Variants in PLSCR5 observed in about 807,000 individuals in gnomAD.
PLSCR5 encodes phospholipid scramblase family member 5.
In PLSCR5, 44 loss-of-function variants were observed where a neutral mutation model predicts 33.6. The ratio of observed to expected loss-of-function variants is 1.31; its 90% CI spans 1.03 to 1.69. The LOEUF is 1.69. Ranked by LOEUF, PLSCR5 falls within the 40% of genes most tolerant of loss-of-function variation. The probability of loss-of-function intolerance (pLI) is 0.00; values close to 1 mark genes in which losing one functional copy is unlikely to be tolerated. For missense variants in PLSCR5, 375 were observed against 318.7 expected (o/e 1.18, Z -1.34); for synonymous variants, 148 against 112.3 (o/e 1.32, Z -2.01).
downstream of PLSCR5, among the ~76,000 whole-genome samples, chr3:146,584,645 G>A (rs1441467700): frequency 2.6e-5 from 4 of 152,032 alleles, no homozygotes; most frequent in Non-Finnish European, 5.9e-5. Context: ...AAAATGTTAA[G>A]GTGTAAATAA....
At chr3:146,583,601 T>C (rs909545387), downstream of PLSCR5, among the ~76,000 whole-genome samples, 3 of 152,228 alleles carry the variant, frequency 2.0e-5, no homozygotes, top group African/African-American at 7.2e-5. Flanking sequence ...AGATCAATTT[T>C]ACCTTTAATA....
intron 7 of PLSCR5, among the ~76,000 whole-genome samples, chr3:146,579,869 A>C (rs570568253): frequency 6.6e-6 from 1 of 152,318 alleles, no homozygotes; most frequent in East Asian, 1.9e-4. Flanking sequence ...TGACCTCATT[A>C]AGCACATTCT....
At chr3:146,602,970 C>A (rs1193207193) in intron 1 of PLSCR5, among the ~76,000 whole-genome samples, 1 of 152,104 alleles carries the variant, frequency 6.6e-6, no homozygotes, top group East Asian at 1.9e-4. Context: ...CTAGCTGCTT[C>A]TTCTGGGATT....
downstream of PLSCR5, among the ~76,000 whole-genome samples, chr3:146,582,869 C>T (rs540811638): frequency 6.6e-6 from 1 of 152,250 alleles, no homozygotes; most frequent in East Asian, 1.9e-4. Flanking sequence ...CTAAGATTGG[C>T]TTTTTGAGAT....
In PLSCR5 at chr3:146,600,356, T is replaced by A. The variant is rs1168663686; in HGVS notation, c.121A>T (p.Ser41Cys). The A allele has an allele frequency of 6.2e-7, 1 of 1,608,634 alleles. No individual in the cohort carries two copies. Among genetic ancestry groups the A allele is most frequent in the Non-Finnish European group, 8.5e-7 (1 of 1,177,138 alleles). ...SNPGNQAWQL[S>C]LPLPSSFLPT... ...AGGAAACTGCTTGGCAGAGGGAGAC[T>A]CAGCTGCCATGCTTGGTTCCCTGGA... is the stretch of plus-strand genomic sequence containing the variant. Residue 41 changes from serine (S) to cysteine (C), a missense_variant, in exon 2 of 8, where the codon AGT becomes TGT. By Grantham distance (112) the Ser-to-Cys change is moderately radical. Transcript: ENST00000443512.
chr3:146,583,027 C>T (rs775250666), downstream of PLSCR5, among the ~76,000 whole-genome samples: 35 of 151,986 alleles, frequency 2.3e-4, no homozygotes, highest in Non-Finnish European at 4.1e-4. Flanking sequence ...CAGCAGCACC[C>T]ATTCCCTAGC....
chr3:146,595,445 C>T (rs566015406), intron 2 of PLSCR5, among the ~76,000 whole-genome samples: 44 of 152,170 alleles, frequency 2.9e-4, no homozygotes, highest in African/African-American at 1.0e-3. Context: ...TGGCAAACCC[C>T]TGTCTTTACA....
intron 1 of PLSCR5, among the ~76,000 whole-genome samples, chr3:146,604,537 T>C (rs1178343817): frequency 6.6e-6 from 1 of 152,084 alleles, no homozygotes; most frequent in East Asian, 1.9e-4. Flanking sequence ...TTCTAGCCCA[T>C]CACATTTAAG....
intron 7 of PLSCR5, among the ~76,000 whole-genome samples, chr3:146,579,172 A>C (rs1004561272): frequency 6.6e-6 from 1 of 152,120 alleles, no homozygotes; most frequent in African/African-American, 2.4e-5. Flanking sequence ...ATTTACACTT[A>C]TTTAGAGAAA....
intron 2 of PLSCR5, among the ~76,000 whole-genome samples, chr3:146,598,890 G>A (rs2044785893): frequency 6.6e-6 from 1 of 152,192 alleles, no homozygotes; most frequent in African/African-American, 2.4e-5. Flanking sequence ...GAAGACATCT[G>A]CAATTATAAA....
At chr3:146,587,283 C>G (rs796163724) in intron 6 of PLSCR5, among the ~76,000 whole-genome samples, 7 of 152,170 alleles carry the variant, frequency 4.6e-5, no homozygotes, top group African/African-American at 1.4e-4. Flanking sequence ...ATCAATCTCT[C>G]AAAGCATATG....
chr3:146,597,106 G>A (rs1038486100), intron 2 of PLSCR5, among the ~76,000 whole-genome samples: 2 of 152,076 alleles, frequency 1.3e-5, no homozygotes, highest in Non-Finnish European at 2.9e-5. Flanking sequence ...GGGAGTTTAG[G>A]TACTTTGAAT....
chr3:146,597,359 T>C (rs973755689), intron 2 of PLSCR5, among the ~76,000 whole-genome samples: 3 of 152,162 alleles, frequency 2.0e-5, no homozygotes, highest in African/African-American at 7.2e-5. Flanking sequence ...AGAGATTAAG[T>C]AATTTGCCCA....
At chr3:146,591,968 A>T (rs1463893303) in intron 4 of PLSCR5, 87 bp from the exon 5 acceptor site, 12 of 1,106,714 alleles carry the variant, frequency 1.1e-5, no homozygotes, top group Non-Finnish European at 1.4e-5. Context: ...TGTAAACAAT[A>T]TACTGTTATA....
At chr3:146,593,433 T>C (rs1267855033) in intron 4 of PLSCR5, among the ~76,000 whole-genome samples, 1 of 152,174 alleles carries the variant, frequency 6.6e-6, no homozygotes, top group Non-Finnish European at 1.5e-5. Context: ...TTATTCCCTG[T>C]AGAACAATAA....
intron 1 of PLSCR5, among the ~76,000 whole-genome samples, chr3:146,601,870 ACT>A (rs151086457): frequency 0.03 from 4,633 of 152,168 alleles, 103 homozygotes; most frequent in South Asian, 0.063. Flanking sequence ...CATTAAGAAA[ACT>A]CAAGCATATT....
chr3:146,587,871 T>C (rs577325232), intron 6 of PLSCR5, among the ~76,000 whole-genome samples: 7 of 152,006 alleles, frequency 4.6e-5, no homozygotes, highest in East Asian at 1.9e-4. Context: ...TATATGTATA[T>C]GTATATATGC....
At chr3:146,589,414 G>T (rs957063284) in intron 6 of PLSCR5, among the ~76,000 whole-genome samples, 2 of 152,086 alleles carry the variant, frequency 1.3e-5, no homozygotes, top group Admixed American at 6.5e-5. Flanking sequence ...TGATGAATAG[G>T]ATGTGATAAC....
chr3:146,583,653 C>A (rs1440533061), downstream of PLSCR5, among the ~76,000 whole-genome samples: 1 of 152,158 alleles, frequency 6.6e-6, no homozygotes, highest in Non-Finnish European at 1.5e-5. Flanking sequence ...TTGTACTATG[C>A]CAACTTGGAA....
Sources: gnomAD v4.1 joint callset for allele counts (sites outside exome capture counted in the v4.1 genomes callset) on GRCh38, gnomAD v4.1.1 for gene constraint, MANE v1.5 for transcripts, NCBI Gene and HGNC (gene_info 2026-07-23, HGNC 2026-07-21) for gene names.